Variants in HYDIN observed in about 807,000 individuals in gnomAD.
The protein encoded by HYDIN is axonemal central pair apparatus protein HYDIN.
HYDIN carries 132 observed loss-of-function variants against 403.9 expected under a neutral mutation model. The ratio of observed to expected loss-of-function variants is 0.33; its 90% CI spans 0.28 to 0.38. The LOEUF is 0.38. Among genes scored for constraint, HYDIN ranks in the 10% least tolerant of loss-of-function variants. HYDIN has a pLI of 1.00. For synonymous variants in HYDIN, 1,202 were observed against 1,891.7 expected (o/e 0.64, Z 9.46); for missense variants, 2,827 against 5,009.5 (o/e 0.56, Z 13.15).
chr16:70,868,498 T>C, intron 66 of HYDIN, 72 bp downstream of exon 66: 5 of 1,494,956 alleles, frequency 3.3e-6, no homozygotes, highest in Non-Finnish European at 4.5e-6. Context: ...AAGGAAATGA[T>C]GAGGGACTTG....
At chr16:71,054,334 A>C (rs1363046582) in intron 18 of HYDIN, among the ~76,000 whole-genome samples, 5 of 126,504 alleles carry the variant, frequency 4.0e-5, no homozygotes, top group African/African-American at 1.3e-4. Context: ...GTAACAATTT[A>C]GAGGGCAGAG....
intron 28 of HYDIN, among the ~76,000 whole-genome samples, chr16:70,981,983 C>G (rs2079058695): frequency 6.6e-6 from 1 of 151,440 alleles, no homozygotes; most frequent in Admixed American, 6.6e-5. Context: ...AAAAAATTAG[C>G]CAGGCATGGT....
chr16:70,847,655 C>T (rs2038308614), intron 75 of HYDIN, among the ~76,000 whole-genome samples: 1 of 151,656 alleles, frequency 6.6e-6, no homozygotes, highest in South Asian at 2.1e-4. Flanking sequence ...TGTCATCACA[C>T]TGTCTTCAGG....
intron 24 of HYDIN, 137 bp from the exon 25 acceptor site, chr16:70,991,533 C>A: frequency 7.2e-7 from 1 of 1,387,604 alleles, no homozygotes; most frequent in Non-Finnish European, 9.6e-7. Context: ...AATCAAGGGA[C>A]ACCTTTCTCA....
At chr16:71,090,596 C>G (rs1305166191) in intron 11 of HYDIN, 2 of 152,196 alleles carry the variant, frequency 1.3e-5, no homozygotes, top group Non-Finnish European at 2.9e-5. Context: ...AACTCCTAGG[C>G]TCAAGTGATC....
At chr16:70,833,835 A>G (rs1597073974) in intron 79 of HYDIN, 52 bp downstream of exon 79, 1 of 1,293,256 alleles carries the variant, frequency 7.7e-7, no homozygotes, top group South Asian at 1.3e-5. Context: ...GGGCAGATAC[A>G]GGGACAGCAG....
At chr16:71,218,911 C>T (rs149095584) in intron 1 of HYDIN, among the ~76,000 whole-genome samples, 506 of 152,200 alleles carry the variant, frequency 3.3e-3, no homozygotes, top group Non-Finnish European at 5.5e-3. Context: ...AGGCATATTC[C>T]AAAGCATTGC....
chr16:70,959,051 A>ATT (rs377661799), intron 39 of HYDIN, among the ~76,000 whole-genome samples: 1 of 150,542 alleles, frequency 6.6e-6, no homozygotes, highest in Non-Finnish European at 1.5e-5. Context: ...TACAAATAAG[A>ATT]TTTTTTTTTT....
intron 9 of HYDIN, among the ~76,000 whole-genome samples, chr16:71,124,232 A>T (rs1360243409): frequency 6.6e-6 from 1 of 152,156 alleles, no homozygotes; most frequent in Non-Finnish European, 1.5e-5. Flanking sequence ...AATGATGAGC[A>T]TGATGAGAAG....
chr16:71,062,995 G>A (rs2082142807), intron 16 of HYDIN: 1 of 152,308 alleles, frequency 6.6e-6, no homozygotes, highest in South Asian at 2.1e-4. Context: ...CTCTCTACAT[G>A]ACCACTTTCT....
intron 41 of HYDIN, among the ~76,000 whole-genome samples, chr16:70,951,534 C>T (rs1252684975): frequency 6.6e-6 from 1 of 151,908 alleles, no homozygotes; most frequent in East Asian, 1.9e-4. Flanking sequence ...AACCTCCATT[C>T]TCCACTTGGC....
intron 23 of HYDIN, among the ~76,000 whole-genome samples, chr16:71,003,422 G>A (rs2079786212): frequency 1.3e-5 from 2 of 150,550 alleles, no homozygotes; most frequent in South Asian, 2.1e-4. Flanking sequence ...CATAAATATT[G>A]TGTTTTTATG....
At chr16:71,224,406 C>T (rs1168963685) in intron 1 of HYDIN, among the ~76,000 whole-genome samples, 3 of 151,964 alleles carry the variant, frequency 2.0e-5, no homozygotes, top group African/African-American at 7.2e-5. Context: ...ATCCATGTAA[C>T]GAAAAACCAC....
At chr16:71,185,024 T>A in intron 2 of HYDIN, 34 bp from the exon 3 acceptor site, 1 of 1,502,202 alleles carries the variant, frequency 6.7e-7, no homozygotes. Context: ...CAAAGATTCT[T>A]AAGTGGATGT....
chr16:71,098,508 A>C (rs1278759328), intron 10 of HYDIN, among the ~76,000 whole-genome samples: 1 of 151,078 alleles, frequency 6.6e-6, no homozygotes, highest in Admixed American at 6.6e-5. Flanking sequence ...GGCCAATAAA[A>C]CTTTCAAAGG....
At chr16:71,117,517 G>A (rs1489796178) in intron 9 of HYDIN, among the ~76,000 whole-genome samples, 1 of 152,134 alleles carries the variant, frequency 6.6e-6, no homozygotes, top group Non-Finnish European at 1.5e-5. Context: ...TACTTAGAAG[G>A]ACTAAGATGA....
chr16:71,184,798 A>C (rs571829212), intron 3 of HYDIN, 67 bp downstream of exon 3: 10 of 1,389,826 alleles, frequency 7.2e-6, no homozygotes, highest in Non-Finnish European at 8.8e-6. Context: ...AATTTTACTT[A>C]TTGTTCTGGA....
At position 70,820,401 on chromosome 16, in the gene HYDIN, G is replaced by C. The variant is rs542282667; in HGVS notation, c.14428-1829C>G. Among the ~76,000 whole-genome samples the C allele has an allele frequency of 7.5e-5, 11 of 146,972 alleles. No homozygotes were observed. In the South Asian group the frequency reaches 2.4e-3, roughly 32 times the overall value. On this transcript the variant is annotated intron_variant, in intron 83 of 85. Coordinates refer to ENST00000393567, the MANE Select transcript of HYDIN (RefSeq NM_001270974.2). ...AGAGATGGGGTTTCACCATGGTCTC[G>C]ATCTCCTGACCTTGTGATCTGCTCG...
intron 41 of HYDIN, among the ~76,000 whole-genome samples, chr16:70,946,983 A>G (rs1213340444): frequency 1.3e-5 from 2 of 152,098 alleles, no homozygotes; most frequent in East Asian, 1.9e-4. Context: ...TGTCGTCTAC[A>G]AACAGGGACA....
Sources: allele counts gnomAD v4.1 joint callset (sites outside exome capture counted in the v4.1 genomes callset), GRCh38; gene constraint gnomAD v4.1.1; transcripts MANE v1.5; gene names NCBI Gene and HGNC (gene_info 2026-07-23, HGNC 2026-07-21).